Variants in SLC24A2 observed in about 807,000 individuals in gnomAD.
SLC24A2 encodes the protein solute carrier family 24 member 2.
SLC24A2 carries 36 observed loss-of-function variants against 62.0 expected under a neutral mutation model. That is an observed-to-expected ratio of 0.58 (90% CI 0.44 to 0.77). SLC24A2 has a LOEUF of 0.77. SLC24A2 is among the 30% of genes least tolerant of loss of function. The pLI is 0.00. For missense variants in SLC24A2, 846 were observed against 817.9 expected, an observed-to-expected ratio of 1.03 and a Z score of -0.42; for synonymous variants, 358 against 294.0, an observed-to-expected ratio of 1.22 and a Z score of -2.23.
At chr9:19,611,311 G>T (rs913902284) in intron 4 of SLC24A2, among the ~76,000 whole-genome samples, 3 of 151,382 alleles carry the variant, frequency 2.0e-5, no homozygotes, top group Non-Finnish European at 4.4e-5. Context: ...GAGGAGACAG[G>T]AAGGAGGGGA....
chr9:20,120,537 T>C, the SLC24A2 span, among the ~76,000 whole-genome samples: 8 of 152,044 alleles, frequency 5.3e-5, no homozygotes, highest in African/African-American at 1.9e-4. Flanking sequence ...AAATAGACAC[T>C]AGGGCCTACT....
chr9:20,076,999 A>C, the SLC24A2 span, among the ~76,000 whole-genome samples: 5 of 150,966 alleles, frequency 3.3e-5, no homozygotes, highest in Non-Finnish European at 7.4e-5. Flanking sequence ...TTGCCACAAC[A>C]TGAATGGACA....
At chr9:19,910,864 T>C in the SLC24A2 span, among the ~76,000 whole-genome samples, 1 of 150,940 alleles carries the variant, frequency 6.6e-6, no homozygotes, top group Non-Finnish European at 1.5e-5. Context: ...CTGTTCTATC[T>C]TTCTCACCAG....
chr9:19,728,702 T>C (rs1481612254), intron 2 of SLC24A2, among the ~76,000 whole-genome samples: 1 of 152,010 alleles, frequency 6.6e-6, no homozygotes, highest in East Asian at 1.9e-4. Context: ...GTTTAATTGT[T>C]CAGACTGGTG....
the SLC24A2 span, among the ~76,000 whole-genome samples, chr9:19,964,523 G>A: frequency 1.3e-5 from 2 of 152,314 alleles, no homozygotes; most frequent in African/African-American, 2.4e-5. Flanking sequence ...AGGACTTCCT[G>A]CCTGGGCAAA....
Position 19,785,735 on chromosome 9 carries a change from A to G in SLC24A2, c.930+202T>C, listed in dbSNP as rs115248052. 2.6e-3 allele frequency among the ~76,000 whole-genome samples: 400 copies of G among 152,338 alleles called. 1 individual carries two copies. Among genetic ancestry groups the G allele is most frequent in the African/African-American group, 9.4e-3 (392 of 41,580 alleles). On this transcript the variant is annotated intron_variant, in intron 2 of 10. Coordinates refer to ENST00000341998, the MANE Select transcript of SLC24A2 (RefSeq NM_020344.4). ...TTACTCTGAAGCAAGTAGCTGAGGA[A>G]CTTAGTAAACATCTGCAAGAATACC...
At chr9:19,839,038 T>C in the SLC24A2 span, among the ~76,000 whole-genome samples, 1 of 151,528 alleles carries the variant, frequency 6.6e-6, no homozygotes. Flanking sequence ...TCAAACAAAT[T>C]TACAAGAAAA....
At chr9:19,517,487 C>T (rs1429196007) in intron 10 of SLC24A2, among the ~76,000 whole-genome samples, 1 of 152,174 alleles carries the variant, frequency 6.6e-6, no homozygotes, top group African/African-American at 2.4e-5. Context: ...GCCTCCTGTG[C>T]TGGAGAGACG....
At chr9:19,848,827 C>T in the SLC24A2 span, among the ~76,000 whole-genome samples, 7 of 152,062 alleles carry the variant, frequency 4.6e-5, no homozygotes, top group East Asian at 1.9e-4. Flanking sequence ...TTTGTGTCAC[C>T]GACTTGACCT....
the SLC24A2 span, among the ~76,000 whole-genome samples, chr9:20,002,257 G>A: frequency 1.3e-5 from 2 of 151,988 alleles, no homozygotes; most frequent in Non-Finnish European, 2.9e-5. Flanking sequence ...AGCCAGCACT[G>A]ATGTACCAGT....
the SLC24A2 span, among the ~76,000 whole-genome samples, chr9:20,053,211 T>C: frequency 6.6e-6 from 1 of 152,110 alleles, no homozygotes; most frequent in African/African-American, 2.4e-5. Flanking sequence ...TAAATCCCTA[T>C]TTATCCTTCT....
the SLC24A2 span, among the ~76,000 whole-genome samples, chr9:19,863,610 A>T: frequency 7.3e-5 from 11 of 150,196 alleles, no homozygotes; most frequent in Admixed American, 6.0e-4. Context: ...CTTCTGAATG[A>T]CCAGTGGGTA....
At chr9:20,086,579 A>C in the SLC24A2 span, among the ~76,000 whole-genome samples, 21 of 152,166 alleles carry the variant, frequency 1.4e-4, no homozygotes, top group Admixed American at 1.3e-4. Flanking sequence ...TTTGATAAAC[A>C]CTACTCTGGC....
At chr9:19,898,470 C>T in the SLC24A2 span, among the ~76,000 whole-genome samples, 51,801 of 152,028 alleles carry the variant, frequency 0.34, 9,422 homozygotes, top group East Asian at 0.69. Flanking sequence ...AGGCCTGGCG[C>T]GGTGGCTCAC....
the SLC24A2 span, among the ~76,000 whole-genome samples, chr9:19,935,637 C>T: frequency 1.3e-5 from 2 of 152,210 alleles, no homozygotes; most frequent in Non-Finnish European, 2.9e-5. Flanking sequence ...CAAAGCGTGG[C>T]TGGTGCTGAA....
chr9:19,975,900 T>TTTTGTTTG, the SLC24A2 span, among the ~76,000 whole-genome samples: 892 of 151,002 alleles, frequency 5.9e-3, 3 homozygotes, highest in Non-Finnish European at 7.0e-3. Context: ...AAACATACGT[T>TTTTGTTTG]TTTGTTTGTT....
the SLC24A2 span, among the ~76,000 whole-genome samples, chr9:19,828,784 G>A: frequency 0.016 from 2,468 of 152,304 alleles, 68 homozygotes; most frequent in African/African-American, 0.057. Flanking sequence ...GGGAGGAGAT[G>A]TTGGCAAGTC....
chr9:19,519,907 G>C (rs1055860973), intron 10 of SLC24A2, among the ~76,000 whole-genome samples: 1 of 152,200 alleles, frequency 6.6e-6, no homozygotes, highest in Admixed American at 6.5e-5. Context: ...TGATAGCACA[G>C]ACTCTTTGTT....
chr9:19,519,553 C>A (rs1299768572), intron 10 of SLC24A2, among the ~76,000 whole-genome samples: 1 of 152,116 alleles, frequency 6.6e-6, no homozygotes, highest in Non-Finnish European at 1.5e-5. Context: ...AAACATACAC[C>A]TTTTAAGGCA....
Sources: gnomAD v4.1 joint callset for allele counts (sites outside exome capture counted in the v4.1 genomes callset) on GRCh38, gnomAD v4.1.1 for gene constraint, MANE v1.5 for transcripts, NCBI Gene and HGNC (gene_info 2026-07-23, HGNC 2026-07-21) for gene names.